Variants in ZNF385D observed in about 807,000 individuals in gnomAD.
ZNF385D encodes the protein zinc finger protein 385D, also known as zinc finger protein 659.
In ZNF385D, 15 loss-of-function variants were observed where a neutral mutation model predicts 35.8. That is an observed-to-expected ratio of 0.42 (90% CI 0.28 to 0.64). ZNF385D has a LOEUF of 0.64. Ranked by LOEUF, ZNF385D falls within the 30% of genes least tolerant of loss-of-function variation. ZNF385D has a pLI of 0.23. For missense variants in ZNF385D, 474 were observed against 494.6 expected, an observed-to-expected ratio of 0.96 and a Z score of 0.39; for synonymous variants, 212 against 186.8, an observed-to-expected ratio of 1.13 and a Z score of -1.10.
At chr3:22,215,293 T>C (rs1697798625) in intron 2 of ZNF385D, among the ~76,000 whole-genome samples, 1 of 152,044 alleles carries the variant, frequency 6.6e-6, no homozygotes, top group African/African-American at 2.4e-5. Flanking sequence ...GAGATAACCT[T>C]AAACTCTGAC....
intron 2 of ZNF385D, among the ~76,000 whole-genome samples, chr3:21,605,967 G>A (rs564342983): frequency 6.9e-6 from 1 of 144,338 alleles, no homozygotes; most frequent in East Asian, 1.9e-4. Context: ...CGTGCAGACT[G>A]TGCTGGTATT....
intron 2 of ZNF385D, among the ~76,000 whole-genome samples, chr3:21,621,554 CGTGTGTGT>C (rs58332425): frequency 4.4e-5 from 6 of 136,988 alleles, no homozygotes; most frequent in Non-Finnish European, 6.2e-5. Flanking sequence ...AAAAAATTCC[CGTGTGTGT>C]GTGTGTGTGT....
chr3:22,371,562 G>C (rs1441490301), intron 2 of ZNF385D, among the ~76,000 whole-genome samples: 2 of 152,196 alleles, frequency 1.3e-5, no homozygotes, highest in African/African-American at 4.8e-5. Flanking sequence ...AAGCCTGATT[G>C]TAAGGGGGAC....
intron 3 of ZNF385D, among the ~76,000 whole-genome samples, chr3:21,960,175 T>C (rs1185077683): frequency 1.5e-5 from 2 of 132,496 alleles, no homozygotes; most frequent in African/African-American, 2.7e-5. Flanking sequence ...ATCCAGAATA[T>C]ACAAGAAACT....
intron 3 of ZNF385D, among the ~76,000 whole-genome samples, chr3:22,039,084 G>T (rs114092219): frequency 6.6e-6 from 1 of 151,394 alleles, no homozygotes; most frequent in Non-Finnish European, 1.5e-5. Flanking sequence ...AATTACAAAC[G>T]ATCCCTATGC....
At chr3:21,939,035 A>T (rs1701392219) in intron 3 of ZNF385D, among the ~76,000 whole-genome samples, 1 of 152,136 alleles carries the variant, frequency 6.6e-6, no homozygotes, top group African/African-American at 2.4e-5. Flanking sequence ...TGTCACATTG[A>T]TGGGGCAGGT....
chr3:21,599,844 ATCT>A (rs2064230890), intron 2 of ZNF385D, among the ~76,000 whole-genome samples: 1 of 152,200 alleles, frequency 6.6e-6, no homozygotes, highest in South Asian at 2.1e-4. Context: ...CAAGTCCATC[ATCT>A]TGAATATGAG....
chr3:22,250,416 T>C (rs1367888881), intron 2 of ZNF385D, among the ~76,000 whole-genome samples: 1 of 152,082 alleles, frequency 6.6e-6, no homozygotes. Flanking sequence ...AGCAGGTTGA[T>C]AAGCAGAAGA....
At chr3:21,505,117 A>T (rs558777334) in intron 4 of ZNF385D, among the ~76,000 whole-genome samples, 78 of 152,296 alleles carry the variant, frequency 5.1e-4, no homozygotes, top group Admixed American at 9.8e-4. Context: ...GAAAGCTTTC[A>T]AATCTGGGAA....
chr3:22,129,710 G>A (rs1023674621), intron 3 of ZNF385D, among the ~76,000 whole-genome samples: 1 of 149,596 alleles, frequency 6.7e-6, no homozygotes, highest in African/African-American at 2.5e-5. Context: ...GACTCAGTCT[G>A]TTTTTTCAGG....
chr3:21,947,429 C>T (rs1701847173), intron 3 of ZNF385D, among the ~76,000 whole-genome samples: 1 of 152,128 alleles, frequency 6.6e-6, no homozygotes, highest in African/African-American at 2.4e-5. Context: ...CGTCTCACTG[C>T]AACCTCCGCC....
chr3:21,493,274 T>G (rs915950181), intron 4 of ZNF385D, among the ~76,000 whole-genome samples: 2 of 152,286 alleles, frequency 1.3e-5, no homozygotes, highest in Non-Finnish European at 2.9e-5. Flanking sequence ...AGTAGAGAGA[T>G]AACTATGATT....
chr3:21,896,889 CA>C (rs1378197456), intron 3 of ZNF385D, among the ~76,000 whole-genome samples: 1 of 150,994 alleles, frequency 6.6e-6, no homozygotes, highest in Non-Finnish European at 1.5e-5. Flanking sequence ...GAATTCTGGC[CA>C]AGACACAGAC....
At chr3:22,213,939 T>C (rs192993352) in intron 2 of ZNF385D, among the ~76,000 whole-genome samples, 7 of 152,198 alleles carry the variant, frequency 4.6e-5, no homozygotes, top group African/African-American at 9.6e-5. Flanking sequence ...ATTTAGTTTA[T>C]TGAGTCAGAA....
chr3:21,646,268 G>A lies in ZNF385D; in HGVS notation c.165+18618C>T, dbSNP rs1559485951. ...AAGTAAATGAAGAGGAGAGGAAACT[G>A]TCATACTTATGGACCTGCTTATTTG... On this transcript the variant is annotated intron_variant, in intron 2 of 7. Transcript: ENST00000281523. This position sits in a 1 kb window ranked among gnomAD's most constrained non-coding sequence, Gnocchi z 4.3. Among the ~76,000 whole-genome samples the A allele has an allele frequency of 6.6e-6, 1 of 152,148 alleles. No homozygotes were observed. The highest frequency in any genetic ancestry group is 2.4e-5 in the African/African-American group (1 of 41,450).
chr3:21,771,451 A>AT (rs1206527621), intron 3 of ZNF385D, among the ~76,000 whole-genome samples: 1 of 152,000 alleles, frequency 6.6e-6, no homozygotes, highest in Non-Finnish European at 1.5e-5. Flanking sequence ...ATCGCAAGAC[A>AT]TAAAAAGGAA....
At chr3:21,937,429 T>C (rs1701315817) in intron 3 of ZNF385D, among the ~76,000 whole-genome samples, 1 of 152,166 alleles carries the variant, frequency 6.6e-6, no homozygotes, top group Non-Finnish European at 1.5e-5. Flanking sequence ...ACCTATGTGA[T>C]ATTGTATTAA....
At chr3:21,495,311 C>A (rs1024115394) in intron 4 of ZNF385D, among the ~76,000 whole-genome samples, 1 of 151,758 alleles carries the variant, frequency 6.6e-6, no homozygotes, top group East Asian at 1.9e-4. Context: ...CCTAATTCTA[C>A]TAGAGAGCTG....
chr3:21,428,329 A>G (rs780513031), intron 5 of ZNF385D, among the ~76,000 whole-genome samples: 1 of 151,984 alleles, frequency 6.6e-6, no homozygotes, highest in Non-Finnish European at 1.5e-5. Flanking sequence ...CCCATTTAGG[A>G]GATAATAAAC....
Sources: allele counts gnomAD v4.1 joint callset (sites outside exome capture counted in the v4.1 genomes callset), GRCh38; gene constraint gnomAD v4.1.1; non-coding constraint Gnocchi (gnomAD v3.1); transcripts MANE v1.5; gene names NCBI Gene and HGNC (gene_info 2026-07-23, HGNC 2026-07-21).